The following MMP17 variants were observed in gnomAD, a reference collection of about 807,000 sequenced individuals.
MMP17 encodes matrix metalloproteinase-17.
A neutral mutation model predicts 49.1 loss-of-function variants in MMP17; 54 were observed. That is an observed-to-expected ratio of 1.10 (90% CI 0.88 to 1.38). The LOEUF is 1.38. MMP17 is among the 40% of genes most tolerant of loss of function. The pLI, the probability that MMP17 is intolerant of heterozygous loss-of-function variation, is 0.00. For synonymous variants in MMP17, 397 were observed against 383.1 expected (o/e 1.04, Z -0.42); for missense variants, 837 against 853.7 (o/e 0.98, Z 0.24).
chr12:131,851,292 T>C lies in MMP17; in HGVS notation c.*18T>C. 1 of 1,381,314 alleles carries C rather than the reference T, an allele frequency of 7.2e-7. No homozygotes were observed. 85.6% of individuals were successfully genotyped at this position (1,381,314 alleles called of 1,614,324 possible). ...CGCTATGACACACAGCGCGAGCCCA[T>C]GAGAGGACAGAGGCGGTGGGACAGC... is the stretch of plus-strand genomic sequence containing the variant. On this transcript the variant is annotated 3_prime_UTR_variant, in exon 10 of 10. Coordinates refer to ENST00000360564, the MANE Select transcript of MMP17 (RefSeq NM_016155.7).
chr12:131,849,320 C>T (rs1320862183), intron 8 of MMP17, among the ~76,000 whole-genome samples: 49 of 152,258 alleles, frequency 3.2e-4, no homozygotes, highest in South Asian at 8.3e-4. Flanking sequence ...CCCGTCTCTA[C>T]TAAAAATACA....
chr12:131,838,097 G>C, intron 1 of MMP17, 98 bp from the exon 2 acceptor site: 3 of 1,438,640 alleles, frequency 2.1e-6, no homozygotes, highest in Non-Finnish European at 2.8e-6. Flanking sequence ...GGGGCTGGGA[G>C]GGGGCCTGCC....
intron 3 of MMP17, 77 bp from the exon 4 acceptor site, chr12:131,840,496 G>A (rs1887330587): frequency 6.8e-7 from 1 of 1,478,624 alleles, no homozygotes; most frequent in Non-Finnish European, 9.1e-7. Context: ...GGGCTGAGGA[G>A]GGGCGTTCAG....
chr12:131,837,999 A>C (rs1264118684), intron 1 of MMP17, 196 bp from the exon 2 acceptor site: 5 of 595,960 alleles, frequency 8.4e-6, no homozygotes, highest in South Asian at 7.4e-5. Context: ...CGTGAGCCAC[A>C]GCACCCGGCC....
intron 6 of MMP17, 155 bp downstream of exon 6, chr12:131,844,236 C>A: frequency 3.0e-6 from 2 of 671,500 alleles, no homozygotes; most frequent in Admixed American, 2.9e-5. Flanking sequence ...TTTTCTTAAA[C>A]CCCATCTAAT....
At chr12:131,838,488 C>T (rs752521451) in intron 2 of MMP17, 124 bp from the exon 3 acceptor site, 8 of 1,454,908 alleles carry the variant, frequency 5.5e-6, no homozygotes, top group Non-Finnish European at 5.5e-6. Context: ...CCAAAGATGA[C>T]GTGGGAGGAG....
intron 6 of MMP17, chr12:131,844,411 G>A (rs1395208786): frequency 2.6e-6 from 1 of 391,030 alleles, no homozygotes; most frequent in East Asian, 6.3e-5. Context: ...GGCAGGGCCT[G>A]CGAGTGTCTG....
intron 1 of MMP17, among the ~76,000 whole-genome samples, chr12:131,830,576 G>C (rs927391249): frequency 6.6e-6 from 1 of 152,256 alleles, no homozygotes; most frequent in East Asian, 1.9e-4. Flanking sequence ...TCCCCGCGGG[G>C]AGGGACGAGG....
chr12:131,845,591 A>C, intron 8 of MMP17, 142 bp downstream of exon 8: 2 of 1,163,542 alleles, frequency 1.7e-6, no homozygotes, highest in Non-Finnish European at 2.3e-6. Flanking sequence ...TTGCTTGTGC[A>C]CTCAGCAGAT....
Position 131,846,261 on chromosome 12 carries a change from C to A in MMP17, c.1204+812C>A, listed in dbSNP as rs1887698099. 6.6e-6 allele frequency among the ~76,000 whole-genome samples: 1 copy of A among 152,228 alleles called. No individual in the cohort carries two copies. The highest frequency in any genetic ancestry group is 2.4e-5 in the African/African-American group (1 of 41,456). Reference sequence around the variant, plus strand: ...CATCCAGTGTCACCCTCAGCCACATCCCTCCTGCCACCGCCTCTGTCTCCA... The same window carrying A: ...CATCCAGTGTCACCCTCAGCCACATACCTCCTGCCACCGCCTCTGTCTCCA... On this transcript the variant is annotated intron_variant, in intron 8 of 9. Transcript: ENST00000360564. The surrounding 1 kb of genome is among the most constrained non-coding windows in gnomAD (Gnocchi z 4.6).
intron 1 of MMP17, among the ~76,000 whole-genome samples, chr12:131,833,758 A>G (rs543834072): frequency 6.7e-4 from 102 of 152,260 alleles, no homozygotes; most frequent in Non-Finnish European, 6.0e-4. Context: ...GCCCTCATTC[A>G]TCTGCAGGGG....
At chr12:131,847,250 C>T (rs911708036) in intron 8 of MMP17, among the ~76,000 whole-genome samples, 12 of 151,648 alleles carry the variant, frequency 7.9e-5, no homozygotes, top group African/African-American at 2.2e-4. Context: ...GTCTCTACTA[C>T]AAAATACAAA....
chr12:131,828,958 C>T (rs1886654960), intron 1 of MMP17, among the ~76,000 whole-genome samples: 1 of 152,124 alleles, frequency 6.6e-6, no homozygotes, highest in African/African-American at 2.4e-5. Flanking sequence ...CCCGGGTCGC[C>T]GGCTTGCAGC....
chr12:131,843,458 G>A (rs137899973), intron 5 of MMP17, among the ~76,000 whole-genome samples: 1 of 151,928 alleles, frequency 6.6e-6, no homozygotes. Flanking sequence ...TGTTGCCCAG[G>A]CTGGTCTCAA....
At chr12:131,845,746 G>A (rs1015061931) in intron 8 of MMP17, among the ~76,000 whole-genome samples, 1 of 152,226 alleles carries the variant, frequency 6.6e-6, no homozygotes, top group Admixed American at 6.5e-5. Flanking sequence ...GTGCCGTTCG[G>A]TGTGGTCAGA....
intron 6 of MMP17, chr12:131,844,325 G>A: frequency 3.8e-6 from 2 of 530,458 alleles, no homozygotes; most frequent in South Asian, 5.0e-5. Context: ...GTCCCTGTCA[G>A]CTACTGCCAT....
At chr12:131,850,132 A>G (rs1887901958) in intron 9 of MMP17, 73 bp downstream of exon 9, 1 of 1,478,692 alleles carries the variant, frequency 6.8e-7, no homozygotes. Flanking sequence ...ACTACAGGGC[A>G]GCCAAGAGGT....
chr12:131,847,250 CA>C lies in MMP17; in HGVS notation c.1204+1805del, dbSNP rs1299112607. ...ACACGGTGAAACCCCGTCTCTACTA[CA>C]AAATACAAAAAATTTGCCGGGCGTG... is the stretch of plus-strand genomic sequence containing the variant. On this transcript the variant is annotated intron_variant, in intron 8 of 9. Coordinates refer to ENST00000360564, the MANE Select transcript of MMP17 (RefSeq NM_016155.7). 9.9e-5 allele frequency among the ~76,000 whole-genome samples: 15 copies of C among 151,766 alleles called. No homozygotes were observed. The South Asian group carries it at 2.7e-3, about 27-fold the overall frequency.
chr12:131,843,158 C>T (rs1307093480), intron 5 of MMP17, among the ~76,000 whole-genome samples: 11 of 151,588 alleles, frequency 7.3e-5, no homozygotes, highest in Admixed American at 1.3e-4. Context: ...TTAGTAGAGA[C>T]GGGGTTTCAC....
Sources: gnomAD v4.1 joint callset for allele counts (sites outside exome capture counted in the v4.1 genomes callset) on GRCh38, gnomAD v4.1.1 for gene constraint, Gnocchi (gnomAD v3.1) non-coding constraint, MANE v1.5 for transcripts, NCBI Gene and HGNC (gene_info 2026-07-23, HGNC 2026-07-21) for gene names.